Variants in ZNF664 observed in about 807,000 individuals in gnomAD.
ZNF664 encodes the protein zinc finger Organ of Corti 1.
A neutral mutation model predicts 18.2 loss-of-function variants in ZNF664; 10 were observed. The ratio of observed to expected loss-of-function variants is 0.55; its 90% CI spans 0.34 to 0.93. The LOEUF (loss-of-function observed/expected upper bound fraction) is 0.93. Among genes scored for constraint, ZNF664 ranks in the 40% least tolerant of loss-of-function variants. The probability of loss-of-function intolerance (pLI) is 0.02; values close to 1 mark genes in which losing one functional copy is unlikely to be tolerated. For synonymous variants in ZNF664, 119 were observed against 104.2 expected (o/e 1.14, Z -0.86); for missense variants, 193 against 319.0 (o/e 0.61, Z 3.01).
chr12:123,992,313 A>G (rs1249941327), intron 3 of ZNF664, among the ~76,000 whole-genome samples: 1 of 152,202 alleles, frequency 6.6e-6, no homozygotes, highest in Admixed American at 6.5e-5. Context: ...GCTGAGTCAC[A>G]GGCTTTTCTA....
Position 124,012,340 on chromosome 12 carries a change from A to G in ZNF664, c.196A>G (p.Lys66Glu), listed in dbSNP as rs754316470. ...EKVYKCDDCG[K>E]DFSTTTKLNR... The stretch of plus-strand genomic sequence containing the variant: ...GGTCTATAAATGTGATGATTGTGGT[A>G]AGGATTTTAGCACTACAACAAAACT... The change falls in exon 5 of 5, where the codon AAG becomes GAG. Residue 66 changes from lysine to glutamate, a missense_variant. Physicochemically the swap from Lys to Glu is moderately conservative, Grantham distance 56. Coordinates refer to ENST00000337815, the MANE Select transcript of ZNF664 (RefSeq NM_152437.3). 6.2e-7 allele frequency: 1 copy of G among 1,614,266 alleles called. No homozygotes were observed. Among genetic ancestry groups the G allele is most frequent in the Non-Finnish European group, 8.5e-7 (1 of 1,180,048 alleles).
intron 3 of ZNF664, among the ~76,000 whole-genome samples, chr12:123,994,377 C>G (rs760302255): frequency 6.6e-6 from 1 of 152,034 alleles, no homozygotes; most frequent in African/African-American, 2.4e-5. Context: ...TATGAAGATA[C>G]TTACTAACTC....
chr12:123,987,327 CT>C (rs1956837526), intron 2 of ZNF664, among the ~76,000 whole-genome samples: 1 of 152,136 alleles, frequency 6.6e-6, no homozygotes, highest in Non-Finnish European at 1.5e-5. Flanking sequence ...AAACTTAAAG[CT>C]AGATCTTGAG....
chr12:124,010,150 A>G (rs1379797022), intron 3 of ZNF664, among the ~76,000 whole-genome samples: 1 of 152,230 alleles, frequency 6.6e-6, no homozygotes, highest in African/African-American at 2.4e-5. Context: ...AGATGCAAAC[A>G]TAATTTTTGT....
At chr12:123,990,231 C>G (rs961669944) in intron 3 of ZNF664, among the ~76,000 whole-genome samples, 1 of 152,156 alleles carries the variant, frequency 6.6e-6, no homozygotes. Context: ...ATATGTAACA[C>G]TACTGAACTG....
At chr12:123,987,571 A>G (rs1437427203) in intron 2 of ZNF664, among the ~76,000 whole-genome samples, 1 of 152,180 alleles carries the variant, frequency 6.6e-6, no homozygotes, top group Non-Finnish European at 1.5e-5. Flanking sequence ...TGAAGGTTAC[A>G]CAGCAGGTAT....
chr12:123,994,988 G>A (rs910912546), intron 3 of ZNF664, among the ~76,000 whole-genome samples: 1 of 152,148 alleles, frequency 6.6e-6, no homozygotes, highest in African/African-American at 2.4e-5. Flanking sequence ...CATAACTAGG[G>A]GGCAAAGAAC....
chr12:123,977,480 A>AAAAT (rs1956709109), intron 2 of ZNF664, among the ~76,000 whole-genome samples: 1 of 148,830 alleles, frequency 6.7e-6, no homozygotes, highest in Non-Finnish European at 1.5e-5. Flanking sequence ...AAAAAAAAAA[A>AAAAT]CCCTAAACAA....
At position 124,009,130 on chromosome 12, in the gene ZNF664, A is replaced by C. The variant is rs572445148; in HGVS notation, c.-660-2251A>C. On this transcript the variant is annotated intron_variant, in intron 3 of 4. Coordinates refer to ENST00000337815, the MANE Select transcript of ZNF664 (RefSeq NM_152437.3). ...TTCCTACATTGAATCTTGGCTCCTA[A>C]CAACTTTAACATAAACTACTTATTT... 1.2e-4 allele frequency among the ~76,000 whole-genome samples: 18 copies of C among 152,352 alleles called. No homozygotes were observed. In the East Asian group the frequency reaches 3.3e-3, roughly 28 times the overall value.
At chr12:123,974,254 A>C in intron 2 of ZNF664, 16 of 375,842 alleles carry the variant, frequency 4.3e-5, no homozygotes, top group East Asian at 1.2e-4. Context: ...TAACAACTAA[A>C]TCTCCCCGGG....
chr12:123,997,124 T>TC (rs1956959482), intron 3 of ZNF664, among the ~76,000 whole-genome samples: 1 of 152,220 alleles, frequency 6.6e-6, no homozygotes, highest in African/African-American at 2.4e-5. Flanking sequence ...ATCTGCAACT[T>TC]CTTTTTTTGG....
chr12:124,013,043 T>G lies in ZNF664; in HGVS notation c.*113T>G. On this transcript the variant is annotated 3_prime_UTR_variant, in exon 5 of 5. Coordinates refer to ENST00000337815, the MANE Select transcript of ZNF664 (RefSeq NM_152437.3). ...ATTTACGCAATCCCTAGCAGAACAT[T>G]GTTTCTGAGGAGGCATATGTGAGAT... 7.5e-7 allele frequency: 1 copy of G among 1,331,486 alleles called. No individual in the cohort carries two copies. Among genetic ancestry groups the G allele is most frequent in the Non-Finnish European group, 1.0e-6 (1 of 987,692 alleles). The allele number at this position is 1,331,486 out of a possible 1,614,324, so 82.5% of individuals were successfully genotyped here.
At chr12:123,989,654 C>T (rs977888368) in intron 3 of ZNF664, among the ~76,000 whole-genome samples, 2 of 152,132 alleles carry the variant, frequency 1.3e-5, no homozygotes, top group African/African-American at 4.8e-5. Context: ...GTGTACATGT[C>T]CATCTAGGGT....
rs1957148485 is a variant in ZNF664 at position 124,012,833 on chromosome 12, A to T, written c.689A>T (p.Asp230Val). ...ACAGGAGAGAAACCTTTCAAATGTG[A>T]TGAGTGCGGAAAGGCCTTCAGTCAG... The part of the protein sequence containing the change: ...VHTGEKPFKC[D>V]ECGKAFSQST... Residue 230 changes from aspartate to valine, a missense_variant, in exon 5 of 5, where the codon GAT (aspartate) becomes GTT (valine). Coordinates refer to ENST00000337815, the MANE Select transcript of ZNF664 (RefSeq NM_152437.3). The T allele has an allele frequency of 6.2e-7, 1 of 1,613,890 alleles. No homozygotes were observed. The highest frequency in any genetic ancestry group is 8.5e-7 in the Non-Finnish European group (1 of 1,179,944).
chr12:123,994,782 G>A (rs1956928349), intron 3 of ZNF664, among the ~76,000 whole-genome samples: 1 of 152,168 alleles, frequency 6.6e-6, no homozygotes, highest in South Asian at 2.1e-4. Context: ...AAATCCCTTG[G>A]TCTCTCTTAC....
At chr12:123,982,142 G>A (rs1431865434) in intron 2 of ZNF664, among the ~76,000 whole-genome samples, 8 of 152,146 alleles carry the variant, frequency 5.3e-5, no homozygotes, top group Admixed American at 1.3e-4. Context: ...TCCCTTCCAC[G>A]TAGGGGCAGG....
intron 3 of ZNF664, chr12:123,998,491 A>G (rs1031796180): frequency 6.6e-6 from 1 of 152,526 alleles, no homozygotes; most frequent in Non-Finnish European, 1.5e-5. Flanking sequence ...GCTGGACTTC[A>G]CTTTCTGGGG....
chr12:123,988,842 C>G lies in ZNF664; in HGVS notation c.-661+704C>G, dbSNP rs544450558. Among the ~76,000 whole-genome samples the G allele has an allele frequency of 2.9e-4, 44 of 152,110 alleles. No individual in the cohort carries two copies. The South Asian group carries it at 7.9e-3, about 27-fold the overall frequency. ...AGGTATTTGTTTATCTTTATTTGGT[C>G]ATTGCTGAAATCCAGAATACTCCAG... is the stretch of plus-strand genomic sequence containing the variant. On this transcript the variant is annotated intron_variant, in intron 3 of 4. Coordinates refer to ENST00000337815, the MANE Select transcript of ZNF664 (RefSeq NM_152437.3).
chr12:124,003,935 TATGG>T (rs908688364), intron 3 of ZNF664, among the ~76,000 whole-genome samples: 2 of 152,204 alleles, frequency 1.3e-5, no homozygotes, highest in Non-Finnish European at 1.5e-5. Context: ...TGGGTGCGTG[TATGG>T]ATAGATGGAG....
Sources: allele counts gnomAD v4.1 joint callset (sites outside exome capture counted in the v4.1 genomes callset), GRCh38; gene constraint gnomAD v4.1.1; transcripts MANE v1.5; gene names NCBI Gene and HGNC (gene_info 2026-07-23, HGNC 2026-07-21).